Variants in JAKMIP3 observed in about 807,000 individuals in gnomAD.
JAKMIP3 encodes janus kinase and microtubule-interacting protein 3.
Under a neutral mutation model 118.5 loss-of-function variants are expected in JAKMIP3, and 58 were observed. The ratio of observed to expected loss-of-function variants is 0.49; its 90% CI spans 0.40 to 0.61. The LOEUF is 0.61. Ranked by LOEUF, JAKMIP3 falls within the 20% of genes least tolerant of loss-of-function variation. The probability of loss-of-function intolerance (pLI) is 0.00; values close to 1 mark genes in which losing one functional copy is unlikely to be tolerated. For synonymous variants in JAKMIP3, 486 were observed against 451.2 expected (o/e 1.08, Z -0.98); for missense variants, 950 against 1,109.0 (o/e 0.86, Z 2.04).
intron 3 of JAKMIP3, among the ~76,000 whole-genome samples, chr10:132,132,069 AACTG>A (rs373685485): frequency 3.3e-5 from 5 of 152,346 alleles, no homozygotes; most frequent in African/African-American, 9.6e-5. Flanking sequence ...CATTCCTGCT[AACTG>A]ACTGTGTTGC....
At chr10:132,089,251 A>G (rs2042812825) in intron 1 of JAKMIP3, among the ~76,000 whole-genome samples, 1 of 152,166 alleles carries the variant, frequency 6.6e-6, no homozygotes, top group Admixed American at 6.5e-5. Flanking sequence ...GAAGAAAGTC[A>G]TTGGTAGCTT....
At chr10:132,125,533 A>G (rs553359080) in intron 3 of JAKMIP3, among the ~76,000 whole-genome samples, 5 of 152,208 alleles carry the variant, frequency 3.3e-5, no homozygotes, top group African/African-American at 1.2e-4. Context: ...TCCCTTCTTC[A>G]AGATTGTTAC....
chr10:132,168,151 C>A lies in JAKMIP3; in HGVS notation c.*221C>A. 7.8e-7 allele frequency: 1 copy of A among 1,285,836 alleles called. No homozygotes were observed. Among genetic ancestry groups the A allele is most frequent in the South Asian group, 1.2e-5 (1 of 80,736 alleles). The allele number at this position is 1,285,836 out of a possible 1,614,324, so 79.7% of individuals were successfully genotyped here. On this transcript the variant is annotated 3_prime_UTR_variant, in exon 23 of 24. Transcript: ENST00000684848. ...TGTGCCAGAACTAGAACTGGCTCTG[C>A]CGACTTCTCGGGGGCTTCTCCGGGA... is the stretch of plus-strand genomic sequence containing the variant.
chr10:132,076,352 A>G (rs1174541401), intron 1 of JAKMIP3, among the ~76,000 whole-genome samples: 6 of 152,192 alleles, frequency 3.9e-5, no homozygotes, highest in African/African-American at 1.4e-4. Context: ...ATTCCTTTTC[A>G]TTGCTGGAAT....
At chr10:132,080,184 T>A (rs1232448008) in intron 1 of JAKMIP3, among the ~76,000 whole-genome samples, 1 of 152,156 alleles carries the variant, frequency 6.6e-6, no homozygotes, top group Non-Finnish European at 1.5e-5. Flanking sequence ...CTCAAAAAGA[T>A]TTCTTTTGAG....
chr10:132,138,349 C>T (rs1337711894), intron 9 of JAKMIP3, among the ~76,000 whole-genome samples, 171 bp downstream of exon 9: 4 of 139,518 alleles, frequency 2.9e-5, no homozygotes, highest in Non-Finnish European at 4.5e-5. Context: ...GAGAGTATGC[C>T]GGGTGCGTGT....
chr10:132,122,823 C>T (rs147666906), intron 3 of JAKMIP3, among the ~76,000 whole-genome samples: 390 of 152,292 alleles, frequency 2.6e-3, no homozygotes, highest in Middle Eastern at 0.01. Flanking sequence ...GGGTCAGGGA[C>T]GCCCTCTCCC....
At chr10:132,121,417 C>A (rs2048511205) in intron 3 of JAKMIP3, among the ~76,000 whole-genome samples, 1 of 152,200 alleles carries the variant, frequency 6.6e-6, no homozygotes, top group Admixed American at 6.5e-5. Flanking sequence ...AAACATTTTG[C>A]TGTTTCTGTG....
intron 15 of JAKMIP3, 37 bp downstream of exon 15, chr10:132,149,547 T>TCACCCATCCCCCGCCCCACCC: frequency 1.5e-6 from 1 of 678,658 alleles, no homozygotes. Flanking sequence ...CGCCCCCACC[T>TCACCCATCCCCCGCCCCACCC]CACCCATCCC....
intron 1 of JAKMIP3, among the ~76,000 whole-genome samples, chr10:132,092,963 C>A (rs1412852851): frequency 6.6e-6 from 1 of 152,156 alleles, no homozygotes; most frequent in Non-Finnish European, 1.5e-5. Context: ...GATGTCCTTT[C>A]TGTTTGTTAG....
chr10:132,077,375 TCCC>T (rs2040996246), intron 1 of JAKMIP3, among the ~76,000 whole-genome samples: 1 of 152,104 alleles, frequency 6.6e-6, no homozygotes, highest in Admixed American at 6.5e-5. Context: ...CCTGGTGCCC[TCCC>T]CTATCTGAGA....
intron 1 of JAKMIP3, among the ~76,000 whole-genome samples, chr10:132,051,099 G>A (rs1395921899): frequency 1.5e-5 from 2 of 133,628 alleles, no homozygotes; most frequent in African/African-American, 2.9e-5. Flanking sequence ...TGTTGGTCTT[G>A]TTAATTCCAG....
Position 132,137,299 on chromosome 10 carries a change from G to A in JAKMIP3, c.1284+10G>A, listed in dbSNP as rs756146371. 19 of 1,613,600 alleles carry A rather than the reference G, an allele frequency of 1.2e-5. 1 individual carries two copies. The highest frequency in any genetic ancestry group is 3.3e-4 in the Middle Eastern group (2 of 6,084). ...CGTGAAGAGCGTGTTAGTAAGTATG[G>A]TCAGCGCCCGCTTCCCCACGCCTCC... On this transcript the variant is annotated intron_variant, in intron 8 of 23. Transcript: ENST00000684848.
chr10:132,169,322 G>A (rs2059239206), intron 23 of JAKMIP3, among the ~76,000 whole-genome samples: 2 of 152,160 alleles, frequency 1.3e-5, no homozygotes, highest in East Asian at 1.9e-4. Context: ...GGAGGCTTGC[G>A]GGAAAAGGGA....
chr10:132,129,095 A>G (rs1019482764), intron 3 of JAKMIP3, among the ~76,000 whole-genome samples: 6 of 152,116 alleles, frequency 3.9e-5, no homozygotes, highest in Non-Finnish European at 8.8e-5. Context: ...ATTGTTGTCT[A>G]GAGAATGTTG....
chr10:132,110,464 T>G (rs1433811590), intron 2 of JAKMIP3, among the ~76,000 whole-genome samples: 1 of 152,268 alleles, frequency 6.6e-6, no homozygotes, highest in Non-Finnish European at 1.5e-5. Flanking sequence ...CCGTTTACAT[T>G]GAACAGCCGA....
At chr10:132,138,001 C>A in intron 8 of JAKMIP3, 118 bp from the exon 9 acceptor site, 2 of 956,514 alleles carry the variant, frequency 2.1e-6, no homozygotes, top group Non-Finnish European at 3.2e-6. Flanking sequence ...TGGGGACAAG[C>A]CAGCCCAGAC....
upstream of JAKMIP3, among the ~76,000 whole-genome samples, chr10:132,036,560 G>A (rs1473605597): frequency 5.9e-5 from 9 of 151,882 alleles, no homozygotes; most frequent in Non-Finnish European, 1.3e-4. Flanking sequence ...GATCGCGGCG[G>A]GGGCCGTCGC....
At chr10:132,045,537 G>T (rs148306336) in intron 1 of JAKMIP3, among the ~76,000 whole-genome samples, 156 of 152,292 alleles carry the variant, frequency 1.0e-3, no homozygotes, top group African/African-American at 3.7e-3. Flanking sequence ...AGAGCCCGCG[G>T]TGTGAGCTGA....
Sources: allele counts gnomAD v4.1 joint callset (sites outside exome capture counted in the v4.1 genomes callset), GRCh38; gene constraint gnomAD v4.1.1; transcripts MANE v1.5; gene names NCBI Gene and HGNC (gene_info 2026-07-23, HGNC 2026-07-21).